PCSK5: variants seen among roughly 807,000 people sequenced by gnomAD.
PCSK5 encodes the protein proprotein convertase subtilisin/kexin type 5, also known as prohormone convertase 5.
PCSK5 carries 129 observed loss-of-function variants against 233.2 expected under a neutral mutation model. That is an observed-to-expected ratio of 0.55 (90% CI 0.48 to 0.64). PCSK5 has a LOEUF of 0.64. Among genes scored for constraint, PCSK5 ranks in the 30% least tolerant of loss-of-function variants. The pLI, the probability that PCSK5 is intolerant of heterozygous loss-of-function variation, is 0.00. For missense variants in PCSK5, 2,076 were observed against 2,430.1 expected (o/e 0.85, Z 3.06); for synonymous variants, 825 against 879.2 (o/e 0.94, Z 1.09).
At chr9:75,978,336 A>G (rs564363642) in intron 2 of PCSK5, among the ~76,000 whole-genome samples, 1 of 152,334 alleles carries the variant, frequency 6.6e-6, no homozygotes, top group Admixed American at 6.5e-5. Context: ...ATGCAATTAA[A>G]ACACAAGTTA....
intron 30 of PCSK5, among the ~76,000 whole-genome samples, chr9:76,311,659 A>C (rs1373179733): frequency 1.3e-5 from 2 of 152,234 alleles, no homozygotes; most frequent in African/African-American, 4.8e-5. Context: ...AGCAATAAGC[A>C]ACAGAAATGC....
intron 1 of PCSK5, among the ~76,000 whole-genome samples, chr9:75,901,483 A>T (rs1186932176): frequency 3.3e-5 from 5 of 152,058 alleles, no homozygotes; most frequent in Non-Finnish European, 7.4e-5. Flanking sequence ...GGTGGCGGGA[A>T]AAGGGAGGGA....
Position 76,231,735 on chromosome 9 carries a change from C to T in PCSK5, c.2730-1725C>T, listed in dbSNP as rs73460380. On this transcript the variant is annotated intron_variant, in intron 21 of 37. Transcript: ENST00000674117. ...ATTCCCCTTTGGCATTAGTGCCATC[C>T]GCTAAAAATCTGGGCTGGGAGCACA... Among the ~76,000 whole-genome samples, 1,214 of 152,254 alleles carry T rather than the reference C, an allele frequency of 8.0e-3. 15 individuals are homozygous for T. Among genetic ancestry groups the T allele is most frequent in the African/African-American group, 0.028 (1,176 of 41,532 alleles).
At chr9:75,891,779 G>T (rs549563736) in intron 1 of PCSK5, among the ~76,000 whole-genome samples, 34 of 151,958 alleles carry the variant, frequency 2.2e-4, no homozygotes, top group Non-Finnish European at 4.4e-4. Context: ...GGGGATAGGG[G>T]GTGAGCGCGC....
chr9:75,930,152 T>C (rs983225478), intron 1 of PCSK5, among the ~76,000 whole-genome samples: 5 of 152,174 alleles, frequency 3.3e-5, no homozygotes, highest in African/African-American at 9.7e-5. Context: ...CATGAGCCAC[T>C]GTGCCCAGCT....
Position 76,233,521 on chromosome 9 carries a change from C to G in PCSK5, c.2791C>G (p.Gln931Glu), listed in dbSNP as rs766679056. Residue 931 changes from glutamine to glutamate, a missense_variant, in exon 22 of 38, where the codon CAA becomes GAA. Physicochemically the swap from Gln to Glu is conservative, Grantham distance 29. Coordinates refer to ENST00000674117, the MANE Select transcript of PCSK5 (RefSeq NM_001372043.1). Reference sequence around the variant, plus strand: ...CTCATGGAAATTTGAATTTGAGAACCAATGCCATCCATGCCACCACACCTG... The same window carrying G: ...CTCATGGAAATTTGAATTTGAGAACGAATGCCATCCATGCCACCACACCTG... ...CPSWKFEFEN[Q>E]CHPCHHTCQR... 1.9e-6 allele frequency: 3 copies of G among 1,612,558 alleles called. No individual in the cohort carries two copies. Among genetic ancestry groups the G allele is most frequent in the Admixed American group, 3.3e-5 (2 of 60,016 alleles).
chr9:76,108,400 A>G (rs763038780), intron 9 of PCSK5, among the ~76,000 whole-genome samples: 15 of 152,234 alleles, frequency 9.9e-5, no homozygotes, highest in Non-Finnish European at 1.9e-4. Flanking sequence ...ACCCTGAAGT[A>G]GAGCGATAGC....
intron 16 of PCSK5, among the ~76,000 whole-genome samples, chr9:76,184,300 A>T (rs1027378339): frequency 2.6e-5 from 4 of 152,110 alleles, no homozygotes; most frequent in Admixed American, 2.6e-4. Context: ...CAATCCCTAT[A>T]CAGTGATGTT....
chr9:76,271,990 G>A (rs1827526693), intron 24 of PCSK5, among the ~76,000 whole-genome samples: 1 of 152,162 alleles, frequency 6.6e-6, no homozygotes, highest in Non-Finnish European at 1.5e-5. Flanking sequence ...TTAATGTAAT[G>A]TGACCTCATC....
At chr9:76,102,813 C>T (rs1050572356) in intron 8 of PCSK5, among the ~76,000 whole-genome samples, 1 of 151,982 alleles carries the variant, frequency 6.6e-6, no homozygotes, top group Admixed American at 6.6e-5. Context: ...TCCTAATGAA[C>T]GGAAGAGTTG....
intron 3 of PCSK5, among the ~76,000 whole-genome samples, chr9:75,998,945 TC>T (rs1361886488): frequency 6.6e-6 from 1 of 152,224 alleles, no homozygotes; most frequent in Non-Finnish European, 1.5e-5. Flanking sequence ...TTATCAAATA[TC>T]CAGCCAGTTT....
Position 76,253,350 on chromosome 9 carries a change from A to T in PCSK5, c.3142+12666A>T, listed in dbSNP as rs547262254. Reference sequence around the variant, plus strand: ...TCTGAAGATAAGAGAAACAAGCTCCATTAAACAGTTCTGTCTTTAAAAAAA... The same window carrying T: ...TCTGAAGATAAGAGAAACAAGCTCCTTTAAACAGTTCTGTCTTTAAAAAAA... On this transcript the variant is annotated intron_variant, in intron 24 of 37. Transcript: ENST00000674117. 8.8e-3 allele frequency among the ~76,000 whole-genome samples: 1,335 copies of T among 152,266 alleles called. 19 individuals are homozygous for T. Among genetic ancestry groups the T allele is most frequent in the African/African-American group, 0.031 (1,287 of 41,538 alleles).
In PCSK5 at chr9:76,033,900, A is replaced by G. The variant is rs72735309; in HGVS notation, c.632+6863A>G. ...CCCAAAGCCCCACCTCTTAACACCA[A>G]CATGTTAGGGATTAGAGTTTGACAC... On this transcript the variant is annotated intron_variant, in intron 5 of 37. Coordinates refer to ENST00000674117, the MANE Select transcript of PCSK5 (RefSeq NM_001372043.1). 4.7e-3 allele frequency among the ~76,000 whole-genome samples: 716 copies of G among 152,200 alleles called. 4 individuals are homozygous for G. Among genetic ancestry groups the G allele is most frequent in the Middle Eastern group, 6.8e-3 (2 of 294 alleles).
At chr9:76,210,521 C>CA (rs1291998035) in intron 20 of PCSK5, among the ~76,000 whole-genome samples, 5 of 152,036 alleles carry the variant, frequency 3.3e-5, no homozygotes, top group African/African-American at 1.2e-4. Flanking sequence ...TGCAGGGCAC[C>CA]AAAAGAGTCT....
rs5898441 is a variant in PCSK5, at chr9:75,978,869, C to CTTTTTTTTTTTTT, written c.298-7253_298-7252insTTTTTTTTTTTTT. Among the ~76,000 whole-genome samples, 4 of 128,044 alleles carry CTTTTTTTTTTTTT rather than the reference C, an allele frequency of 3.1e-5. 1 individual carries two copies. Among genetic ancestry groups the CTTTTTTTTTTTTT allele is most frequent in the South Asian group, 2.5e-4 (1 of 3,968 alleles). 84.0% of individuals were successfully genotyped at this position (128,044 alleles called of 152,430 possible). On this transcript the variant is annotated intron_variant, in intron 2 of 37. Transcript: ENST00000674117. ...TTTTAGGCTTTGTTTGAATGTTTCC[C>CTTTTTTTTTTTTT]TTTTTTTTTTCTTTTTTTCTGAGAT...
In PCSK5 at chr9:76,326,614, T is replaced by A. The variant is rs577404138; in HGVS notation, c.4340-1395T>A. On this transcript the variant is annotated intron_variant, in intron 32 of 37. Coordinates refer to ENST00000674117, the MANE Select transcript of PCSK5 (RefSeq NM_001372043.1). ...TGACTTAGCATCTCCAGCCTCAATT[T>A]CCTGATTTAGATAAAATGAGAGGAT... Among the ~76,000 whole-genome samples, 52 of 152,236 alleles carry A rather than the reference T, an allele frequency of 3.4e-4. 1 individual carries two copies. The South Asian group carries it at 8.3e-3, about 24-fold the overall frequency.
rs1826161006 is a variant in PCSK5, at chr9:76,233,549, A to G, written c.2819A>G (p.Gln940Arg). Residue 940 changes from glutamine to arginine, a missense_variant, in exon 22 of 38, where the codon CAG becomes CGG. Physicochemically the swap from Gln to Arg is conservative, Grantham distance 43 (BLOSUM62 1). Coordinates refer to ENST00000674117, the MANE Select transcript of PCSK5 (RefSeq NM_001372043.1). The stretch of plus-strand genomic sequence containing the variant: ...TGCCATCCATGCCACCACACCTGCC[A>G]GAGATGCCAAGGAAGTGGCCCTACC... ...NQCHPCHHTC[Q>R]RCQGSGPTHC... 1 of 1,612,228 alleles carries G rather than the reference A, an allele frequency of 6.2e-7. No individual in the cohort carries two copies. The highest frequency in any genetic ancestry group is 2.2e-5 in the East Asian group (1 of 44,876).
chr9:76,248,401 G>A (rs1826687219), intron 24 of PCSK5, among the ~76,000 whole-genome samples: 1 of 151,984 alleles, frequency 6.6e-6, no homozygotes, highest in African/African-American at 2.4e-5. Flanking sequence ...TTAAATCCAT[G>A]CATCAATAGT....
Position 76,289,555 on chromosome 9 carries a change from C to CAGGAA in PCSK5, c.3143-2676_3143-2672dup, listed in dbSNP as rs559645266. On this transcript the variant is annotated intron_variant, in intron 24 of 37. Coordinates refer to ENST00000674117, the MANE Select transcript of PCSK5 (RefSeq NM_001372043.1). Reference sequence around the variant, plus strand: ...ACACACACACACACACACTAGAAGCCAGGAAAATTCATCTTTCTCCTTAAG... The same window carrying CAGGAA: ...ACACACACACACACACACTAGAAGCCAGGAAAGGAAAATTCATCTTTCTCCTTAAG... 3.6e-3 allele frequency among the ~76,000 whole-genome samples: 541 copies of CAGGAA among 148,674 alleles called. 2 individuals carry two copies. Among genetic ancestry groups the CAGGAA allele is most frequent in the Admixed American group, 6.5e-3 (97 of 14,876 alleles).
Sources: allele counts gnomAD v4.1 joint callset (sites outside exome capture counted in the v4.1 genomes callset), GRCh38; gene constraint gnomAD v4.1.1; transcripts MANE v1.5; gene names NCBI Gene and HGNC (gene_info 2026-07-23, HGNC 2026-07-21).